ATP8B4: variants seen among roughly 807,000 people sequenced by gnomAD.
ATP8B4 encodes the protein ATPase phospholipid transporting 8B4 (putative), also known as probable phospholipid-transporting ATPase IM.
In ATP8B4, 133 loss-of-function variants were observed where a neutral mutation model predicts 145.6. That is an observed-to-expected ratio of 0.91 (90% confidence interval 0.79 to 1.05). The LOEUF is 1.05. Among genes scored for constraint, ATP8B4 ranks in the 50% least tolerant of loss-of-function variants. ATP8B4 has a pLI of 0.00. For synonymous variants in ATP8B4, 507 were observed against 492.9 expected, an observed-to-expected ratio of 1.03 and a Z score of -0.38; for missense variants, 1,458 against 1,425.2, an observed-to-expected ratio of 1.02 and a Z score of -0.37.
At chr15:50,022,240 A>G (rs1019311095) in intron 6 of ATP8B4, among the ~76,000 whole-genome samples, 3 of 152,146 alleles carry the variant, frequency 2.0e-5, no homozygotes, top group African/African-American at 7.2e-5. Context: ...TTTTTAGTTG[A>G]TAAATTTTAG....
chr15:49,885,651 A>G (rs1356025719), intron 23 of ATP8B4, among the ~76,000 whole-genome samples: 3 of 152,194 alleles, frequency 2.0e-5, no homozygotes, highest in South Asian at 2.1e-4. Context: ...AACTTAATAT[A>G]TCAAGACCAG....
At chr15:49,876,212 A>C in intron 25 of ATP8B4, 66 bp downstream of exon 25, 1 of 1,553,232 alleles carries the variant, frequency 6.4e-7, no homozygotes, top group East Asian at 2.3e-5. Context: ...AGACAAAATC[A>C]ATCAACAATG....
intron 4 of ATP8B4, among the ~76,000 whole-genome samples, chr15:50,045,595 G>A (rs563455149): frequency 6.6e-6 from 1 of 152,208 alleles, no homozygotes. Flanking sequence ...CAGCTTCCAT[G>A]TAAGATTTTT....
chr15:49,897,636 A>G (rs2037553358), intron 22 of ATP8B4, 121 bp from the exon 23 acceptor site: 2 of 789,994 alleles, frequency 2.5e-6, no homozygotes, highest in African/African-American at 1.8e-5. Flanking sequence ...TTTTTCACAT[A>G]TATTATCTGA....
At position 49,860,216 on chromosome 15, in the gene ATP8B4, TG is replaced by T. The variant is rs762288054; in HGVS notation, c.3556del (p.Gln1186ArgfsTer5). ...GACTCACAGTTTCACTGTTTTATCC[TG>T]GCTAAAGCTGCTCACGGTGTCTGTG... ...KTTDTVSSFS[Q>X]DKTVKL On this transcript the variant is annotated frameshift_variant, in exon 28 of 28. Transcript: ENST00000284509. LOFTEE classifies it high-confidence loss of function. 5.0e-6 allele frequency: 8 copies of T among 1,613,194 alleles called. No homozygotes were observed. The South Asian group carries it at 8.8e-5, about 18-fold the overall frequency.
intron 9 of ATP8B4, among the ~76,000 whole-genome samples, chr15:49,993,281 CGAT>C (rs2047176722): frequency 2.0e-5 from 3 of 149,966 alleles, no homozygotes; most frequent in African/African-American, 7.4e-5. Context: ...TGAAGGAAGA[CGAT>C]GAGATGAGAA....
intron 20 of ATP8B4, among the ~76,000 whole-genome samples, chr15:49,903,899 A>C (rs1452957040): frequency 6.6e-6 from 1 of 152,158 alleles, no homozygotes; most frequent in Non-Finnish European, 1.5e-5. Flanking sequence ...CGTCTCAAAA[A>C]AAAAAAAAAA....
At chr15:50,137,595 C>A (rs775136300) in intron 1 of ATP8B4, among the ~76,000 whole-genome samples, 16 of 152,216 alleles carry the variant, frequency 1.1e-4, no homozygotes, top group Non-Finnish European at 5.9e-5. Flanking sequence ...CTGAGGGCAA[C>A]AATGCAAATT....
rs112408082 is a variant in ATP8B4 at position 49,921,258 on chromosome 15, A to G, written c.1759-848T>C. On this transcript the variant is annotated intron_variant, in intron 17 of 27. Transcript: ENST00000284509. ...ATAATAACAAATTGTTGGGAATTTT[A>G]AAGATACCATTATCAAGTCAGCTTA... 7.0e-3 allele frequency among the ~76,000 whole-genome samples: 1,059 copies of G among 152,326 alleles called. 13 individuals are homozygous for G. Among genetic ancestry groups the G allele is most frequent in the African/African-American group, 0.024 (1,007 of 41,558 alleles).
chr15:49,960,215 C>T (rs376702512), intron 14 of ATP8B4, among the ~76,000 whole-genome samples: 21 of 151,950 alleles, frequency 1.4e-4, no homozygotes, highest in Non-Finnish European at 3.1e-4. Flanking sequence ...TTAGTACAGA[C>T]GGGGTTTCAC....
intron 4 of ATP8B4, among the ~76,000 whole-genome samples, chr15:50,046,870 T>G (rs1406570026): frequency 6.6e-6 from 1 of 152,214 alleles, no homozygotes; most frequent in African/African-American, 2.4e-5. Context: ...CATTCAAAAC[T>G]GTAAAAGTAG....
At chr15:50,005,370 A>C (rs999850659) in intron 7 of ATP8B4, among the ~76,000 whole-genome samples, 1 of 152,218 alleles carries the variant, frequency 6.6e-6, no homozygotes, top group Non-Finnish European at 1.5e-5. Flanking sequence ...AGAATAAAGT[A>C]AAATGTAAAG....
At chr15:49,987,072 A>G (rs2046672533) in intron 10 of ATP8B4, among the ~76,000 whole-genome samples, 1 of 152,206 alleles carries the variant, frequency 6.6e-6, no homozygotes, top group African/African-American at 2.4e-5. Flanking sequence ...AGATTCATAC[A>G]TAAAATGACA....
At chr15:49,943,627 C>T (rs2042338013) in intron 14 of ATP8B4, among the ~76,000 whole-genome samples, 1 of 152,100 alleles carries the variant, frequency 6.6e-6, no homozygotes, top group Admixed American at 6.6e-5. Flanking sequence ...CTAAACTCTC[C>T]TTCAAAAACG....
intron 1 of ATP8B4, among the ~76,000 whole-genome samples, chr15:50,170,339 AC>A (rs2044652820): frequency 6.6e-6 from 1 of 152,206 alleles, no homozygotes; most frequent in Admixed American, 6.5e-5. Flanking sequence ...CAGAAACCCT[AC>A]AAGCTAGAAA....
At chr15:50,103,067 C>A (rs2056466887) in intron 2 of ATP8B4, among the ~76,000 whole-genome samples, 1 of 152,018 alleles carries the variant, frequency 6.6e-6, no homozygotes, top group Admixed American at 6.6e-5. Flanking sequence ...AAACCCTCAG[C>A]AAAATCAGCA....
intron 1 of ATP8B4, among the ~76,000 whole-genome samples, chr15:50,173,052 G>C (rs536336471): frequency 6.8e-6 from 1 of 146,614 alleles, no homozygotes; most frequent in Non-Finnish European, 1.5e-5. Flanking sequence ...GCCTCCGCCC[G>C]GCCAGCCTCC....
chr15:49,968,072 G>T (rs2044717311), intron 13 of ATP8B4, among the ~76,000 whole-genome samples: 1 of 152,210 alleles, frequency 6.6e-6, no homozygotes, highest in Non-Finnish European at 1.5e-5. Context: ...ACAAGGAAAT[G>T]TTGAGAGATT....
intron 27 of ATP8B4, 56 bp from the exon 28 acceptor site, chr15:49,860,531 A>C: frequency 6.7e-7 from 1 of 1,502,238 alleles, no homozygotes; most frequent in East Asian, 2.3e-5. Flanking sequence ...GACTCCAGGC[A>C]GTGGCCCACT....
Sources: gnomAD v4.1 joint callset for allele counts (sites outside exome capture counted in the v4.1 genomes callset) on GRCh38, gnomAD v4.1.1 for gene constraint, MANE v1.5 for transcripts, NCBI Gene and HGNC (gene_info 2026-07-23, HGNC 2026-07-21) for gene names.